CSMD1: variants seen among roughly 807,000 people sequenced by gnomAD.
The protein encoded by CSMD1 is CUB and sushi domain-containing protein 1.
A neutral mutation model predicts 417.5 loss-of-function variants in CSMD1; 213 were observed. The ratio of observed to expected loss-of-function variants is 0.51; its 90% CI spans 0.46 to 0.57. The LOEUF is 0.57. Among genes scored for constraint, CSMD1 ranks in the 20% least tolerant of loss-of-function variants. CSMD1 has a pLI of 0.00. For missense variants in CSMD1, 6,923 were observed against 4,529.7 expected, an observed-to-expected ratio of 1.53 and a Z score of -15.17; for synonymous variants, 2,862 against 1,736.8, an observed-to-expected ratio of 1.65 and a Z score of -16.11.
intron 10 of CSMD1, among the ~76,000 whole-genome samples, chr8:3,528,738 T>C (rs1272315773): frequency 6.6e-6 from 1 of 152,206 alleles, no homozygotes; most frequent in Admixed American, 6.5e-5. Flanking sequence ...ATAGTGAATG[T>C]TCCAATTGCT....
At chr8:3,213,696 T>C (rs976394939) in intron 30 of CSMD1, among the ~76,000 whole-genome samples, 2 of 151,000 alleles carry the variant, frequency 1.3e-5, no homozygotes, top group African/African-American at 2.4e-5. Flanking sequence ...TGTATGTATA[T>C]ATATAAAAAT....
intron 2 of CSMD1, among the ~76,000 whole-genome samples, chr8:4,553,331 G>T (rs1423603636): frequency 1.3e-5 from 2 of 151,666 alleles, no homozygotes; most frequent in Admixed American, 1.3e-4. Context: ...TTCATTTTGT[G>T]TAATTTTCAT....
intron 3 of CSMD1, among the ~76,000 whole-genome samples, chr8:4,168,634 A>C (rs1470311610): frequency 1.3e-5 from 2 of 152,124 alleles, no homozygotes; most frequent in African/African-American, 4.8e-5. Flanking sequence ...ATCTTAGATC[A>C]TCATGTTTTC....
At chr8:4,395,103 G>A (rs992447268) in intron 3 of CSMD1, among the ~76,000 whole-genome samples, 3 of 152,136 alleles carry the variant, frequency 2.0e-5, no homozygotes, top group African/African-American at 4.8e-5. Context: ...ATGAACCTCC[G>A]CTGGGAGACC....
chr8:3,740,914 G>A (rs1437279780), intron 6 of CSMD1, among the ~76,000 whole-genome samples: 1 of 151,988 alleles, frequency 6.6e-6, no homozygotes, highest in African/African-American at 2.4e-5. Flanking sequence ...AGGAAACTGG[G>A]ATCAGAAGAA....
At chr8:4,939,377 G>C (rs1005382420) in intron 1 of CSMD1, among the ~76,000 whole-genome samples, 2 of 152,170 alleles carry the variant, frequency 1.3e-5, no homozygotes, top group African/African-American at 4.8e-5. Flanking sequence ...TTCATTAATA[G>C]CCAAGCTATG....
At chr8:3,679,032 A>C (rs965036962) in intron 7 of CSMD1, among the ~76,000 whole-genome samples, 1 of 152,196 alleles carries the variant, frequency 6.6e-6, no homozygotes, top group Non-Finnish European at 1.5e-5. Context: ...CTCCTGAAGA[A>C]GCACTAAACA....
chr8:4,554,242 T>G (rs373231423), intron 2 of CSMD1, among the ~76,000 whole-genome samples: 1 of 152,164 alleles, frequency 6.6e-6, no homozygotes, highest in South Asian at 2.1e-4. Context: ...GTTCAAGTGA[T>G]TCTCCTGACT....
intron 25 of CSMD1, among the ~76,000 whole-genome samples, chr8:3,296,788 G>T (rs935546630): frequency 6.6e-6 from 1 of 152,146 alleles, no homozygotes; most frequent in Non-Finnish European, 1.5e-5. Flanking sequence ...TTGTCATCCA[G>T]TGAACTGAGA....
At chr8:3,923,266 G>T (rs1204720734) in intron 5 of CSMD1, among the ~76,000 whole-genome samples, 2 of 152,118 alleles carry the variant, frequency 1.3e-5, no homozygotes, top group Non-Finnish European at 2.9e-5. Context: ...TGAGTGGAGT[G>T]TCTGACTCTG....
chr8:4,323,278 G>A (rs1799372678), intron 3 of CSMD1, among the ~76,000 whole-genome samples: 1 of 152,090 alleles, frequency 6.6e-6, no homozygotes, highest in South Asian at 2.1e-4. Flanking sequence ...TCTGTAGCAG[G>A]TTCAACAGAC....
At chr8:4,904,963 G>A (rs28397869) in intron 1 of CSMD1, among the ~76,000 whole-genome samples, 6,181 of 152,120 alleles carry the variant, frequency 0.041, 372 homozygotes, top group African/African-American at 0.13. Flanking sequence ...CCATGCCGCC[G>A]CTTCAACCAA....
At chr8:4,942,088 T>G (rs1287968748) in intron 1 of CSMD1, among the ~76,000 whole-genome samples, 1 of 152,236 alleles carries the variant, frequency 6.6e-6, no homozygotes, top group Non-Finnish European at 1.5e-5. Context: ...TTCCTATTTT[T>G]ACAGGTAACA....
At chr8:3,699,942 C>T (rs1800761277) in intron 7 of CSMD1, among the ~76,000 whole-genome samples, 1 of 151,376 alleles carries the variant, frequency 6.6e-6, no homozygotes, top group South Asian at 2.1e-4. Context: ...TAACTACATC[C>T]CTGGGTTATA....
intron 5 of CSMD1, among the ~76,000 whole-genome samples, chr8:3,973,210 C>T (rs1478984630): frequency 6.6e-6 from 1 of 152,208 alleles, no homozygotes; most frequent in Non-Finnish European, 1.5e-5. Flanking sequence ...CTGCATGCAG[C>T]TGTGCCCTAC....
At chr8:4,945,556 C>G (rs938015616) in intron 1 of CSMD1, among the ~76,000 whole-genome samples, 1 of 151,072 alleles carries the variant, frequency 6.6e-6, no homozygotes, top group Non-Finnish European at 1.5e-5. Context: ...AGTAAAAATG[C>G]TTTAAAAAAT....
At chr8:3,779,068 T>C (rs946143870) in intron 5 of CSMD1, among the ~76,000 whole-genome samples, 1 of 152,122 alleles carries the variant, frequency 6.6e-6, no homozygotes, top group Non-Finnish European at 1.5e-5. Flanking sequence ...ATTCCTGTTC[T>C]CCTCTAAATG....
intron 1 of CSMD1, among the ~76,000 whole-genome samples, chr8:4,774,437 G>C (rs1022962387): frequency 1.3e-5 from 2 of 152,048 alleles, no homozygotes; most frequent in Admixed American, 6.6e-5. Context: ...AATTATGGTA[G>C]TAAGTATACT....
intron 5 of CSMD1, among the ~76,000 whole-genome samples, chr8:3,876,241 T>A (rs764332897): frequency 6.6e-6 from 1 of 152,170 alleles, no homozygotes; most frequent in Non-Finnish European, 1.5e-5. Context: ...AAGCCAGACG[T>A]TTAAAATCAA....
Sources: gnomAD v4.1 joint callset for allele counts (sites outside exome capture counted in the v4.1 genomes callset) on GRCh38, gnomAD v4.1.1 for gene constraint, MANE v1.5 for transcripts, NCBI Gene and HGNC (gene_info 2026-07-23, HGNC 2026-07-21) for gene names.